The following CLIC5 variants were observed in gnomAD, a reference collection of about 807,000 sequenced individuals.
The protein encoded by CLIC5 is chloride intracellular channel protein 5.
CLIC5 carries 20 observed loss-of-function variants against 24.7 expected under a neutral mutation model. The ratio of observed to expected loss-of-function variants is 0.81; its 90% confidence interval spans 0.57 to 1.18. CLIC5 has a LOEUF of 1.18. Ranked by LOEUF, CLIC5 falls within the 50% of genes most tolerant of loss-of-function variation. The probability of loss-of-function intolerance (pLI) is 0.00; values close to 1 mark genes in which losing one functional copy is unlikely to be tolerated. For missense variants in CLIC5, 341 were observed against 326.1 expected (o/e 1.05, Z -0.35); for synonymous variants, 159 against 135.6 (o/e 1.17, Z -1.20).
In CLIC5 at chr6:46,080,076, TA is replaced by T; in HGVS notation, c.166del (p.Tyr56MetfsTer75). 6.4e-7 allele frequency: 1 copy of T among 1,551,694 alleles called. No homozygotes were observed. The highest frequency in any genetic ancestry group is 8.7e-7 in the Non-Finnish European group (1 of 1,146,984). On this transcript the variant is annotated frameshift_variant, in exon 1 of 6. Coordinates refer to the CLIC5 transcript ENST00000185206. LOFTEE classifies it high-confidence loss of function. ...AATGGTATAGACTGACACAAAATCA[TA>T]CTCATGGGTATTCAGCTGAGTGGCA...
At chr6:45,921,325 CTA>C (rs1763251397) in intron 4 of CLIC5, among the ~76,000 whole-genome samples, 1 of 152,104 alleles carries the variant, frequency 6.6e-6, no homozygotes, top group Non-Finnish European at 1.5e-5. Flanking sequence ...GGCCCTCTGG[CTA>C]TGTTTGCATG....
At chr6:46,011,672 A>G (rs1003941942) in intron 1 of CLIC5, among the ~76,000 whole-genome samples, 2 of 152,204 alleles carry the variant, frequency 1.3e-5, no homozygotes, top group African/African-American at 2.4e-5. Flanking sequence ...GAGTGGAGGA[A>G]GCAATGCAAA....
At chr6:45,946,118 G>A (rs1246506747) in intron 3 of CLIC5, among the ~76,000 whole-genome samples, 1 of 152,222 alleles carries the variant, frequency 6.6e-6, no homozygotes, top group Non-Finnish European at 1.5e-5. Context: ...GTCTGAGCGG[G>A]AGAGAGGCTT....
intron 1 of CLIC5, among the ~76,000 whole-genome samples, chr6:45,976,586 G>A (rs10456555): frequency 0.27 from 40,991 of 152,016 alleles, 6,642 homozygotes; most frequent in Middle Eastern, 0.43. Context: ...TACTTTTAAT[G>A]GCAAACTCAT....
At chr6:45,978,882 G>A (rs2021684) in intron 1 of CLIC5, among the ~76,000 whole-genome samples, 40,854 of 151,650 alleles carry the variant, frequency 0.27, 6,620 homozygotes, top group Middle Eastern at 0.43. Flanking sequence ...CCCAGGATGC[G>A]GAGGTTGCAG....
chr6:46,025,406 T>C (rs1397508660), intron 1 of CLIC5, among the ~76,000 whole-genome samples: 1 of 152,172 alleles, frequency 6.6e-6, no homozygotes, highest in African/African-American at 2.4e-5. Context: ...TGTTACCTCA[T>C]TTTGCAGATG....
intron 2 of CLIC5, among the ~76,000 whole-genome samples, chr6:45,952,689 A>G (rs1000644313): frequency 6.6e-6 from 1 of 152,202 alleles, no homozygotes; most frequent in Non-Finnish European, 1.5e-5. Context: ...GTGGTGCTAC[A>G]TGCCTGGTCT....
At chr6:46,052,284 G>A (rs1768125397) in intron 1 of CLIC5, among the ~76,000 whole-genome samples, 1 of 152,198 alleles carries the variant, frequency 6.6e-6, no homozygotes. Context: ...ACATTCACCA[G>A]CTCCCAAGCT....
chr6:45,954,352 A>T (rs1421136876), intron 2 of CLIC5, among the ~76,000 whole-genome samples: 3 of 152,068 alleles, frequency 2.0e-5, no homozygotes, highest in Admixed American at 2.0e-4. Context: ...GAGGAAAAGG[A>T]TACAAATTGA....
downstream of CLIC5, chr6:45,898,361 C>T (rs1762428190): frequency 6.8e-6 from 1 of 147,604 alleles, no homozygotes; most frequent in Non-Finnish European, 1.5e-5. Context: ...AATAAATTAA[C>T]CTTTATGTGG....
intron 4 of CLIC5, chr6:45,919,009 A>C (rs980186801): frequency 6.1e-5 from 60 of 985,444 alleles, no homozygotes; most frequent in Non-Finnish European, 6.9e-5. Context: ...GGGACGTACA[A>C]TGGAAATGTG....
the CLIC5 span, among the ~76,000 whole-genome samples, chr6:46,092,532 C>T: frequency 6.6e-6 from 1 of 152,316 alleles, no homozygotes; most frequent in East Asian, 1.9e-4. Flanking sequence ...TAACTCAAGT[C>T]TTGGCTCCTA....
chr6:45,916,366 G>C (rs78960678), intron 4 of CLIC5, among the ~76,000 whole-genome samples: 2,819 of 152,274 alleles, frequency 0.019, 82 homozygotes, highest in African/African-American at 0.064. Flanking sequence ...ATGGCAGAGG[G>C]TGGGTACTAA....
At chr6:46,077,727 T>G (rs1284366383) in intron 1 of CLIC5, among the ~76,000 whole-genome samples, 1 of 152,264 alleles carries the variant, frequency 6.6e-6, no homozygotes, top group East Asian at 1.9e-4. Context: ...GGCCTTTCAG[T>G]TCACACAATT....
At chr6:46,102,750 C>T in the CLIC5 span, 26 of 152,292 alleles carry the variant, frequency 1.7e-4, no homozygotes, top group African/African-American at 6.0e-4. Context: ...TTTTTTAAAG[C>T]ATGATTCAAG....
rs565939869 is a variant in CLIC5, at chr6:46,056,233, T to G, written c.540+23470A>C. On this transcript the variant is annotated intron_variant, in intron 1 of 5. Coordinates refer to the CLIC5 transcript ENST00000185206. ...GCCCACCCCTCTTGTATGGTGTTTT[T>G]TGAGGGGTCTTCTTTCCCTGTTGCT... is the stretch of plus-strand genomic sequence containing the variant. Among the ~76,000 whole-genome samples the G allele has an allele frequency of 9.8e-4, 150 of 152,314 alleles. 3 individuals carry two copies. Among genetic ancestry groups the G allele is most frequent in the Middle Eastern group, 6.8e-3 (2 of 294 alleles).
At chr6:45,982,469 TACA>T (rs1765599354) in intron 1 of CLIC5, among the ~76,000 whole-genome samples, 1 of 152,134 alleles carries the variant, frequency 6.6e-6, no homozygotes, top group South Asian at 2.1e-4. Flanking sequence ...ACAGTGTACT[TACA>T]GAAACCTAGA....
At chr6:45,988,129 C>A (rs1035330534) in intron 1 of CLIC5, among the ~76,000 whole-genome samples, 4 of 152,158 alleles carry the variant, frequency 2.6e-5, no homozygotes, top group African/African-American at 9.7e-5. Context: ...CAGCTGTGAA[C>A]CTGTGAAATC....
At chr6:45,987,573 G>A (rs768688910) in intron 1 of CLIC5, among the ~76,000 whole-genome samples, 1 of 152,158 alleles carries the variant, frequency 6.6e-6, no homozygotes, top group Non-Finnish European at 1.5e-5. Flanking sequence ...TGTAGATTGT[G>A]TGGCTTAAAT....
Sources: allele counts gnomAD v4.1 joint callset (sites outside exome capture counted in the v4.1 genomes callset), GRCh38; gene constraint gnomAD v4.1.1; transcripts MANE v1.5; gene names NCBI Gene and HGNC (gene_info 2026-07-23, HGNC 2026-07-21).